IL7: variants seen among roughly 807,000 people sequenced by gnomAD.
IL7 encodes the protein interleukin 7, also known as interleukin-7.
IL7 carries 3 observed loss-of-function variants against 21.6 expected under a neutral mutation model. The ratio of observed to expected loss-of-function variants is 0.14; its 90% confidence interval spans 0.06 to 0.36. The LOEUF (loss-of-function observed/expected upper bound fraction) is 0.36. Among genes scored for constraint, IL7 ranks in the 10% least tolerant of loss-of-function variants. The probability of loss-of-function intolerance (pLI) is 1.00; values close to 1 mark genes in which losing one functional copy is unlikely to be tolerated. For missense variants in IL7, 175 were observed against 200.2 expected, an observed-to-expected ratio of 0.87 and a Z score of 0.76; for synonymous variants, 62 against 68.1, an observed-to-expected ratio of 0.91 and a Z score of 0.44.
intron 3 of IL7, among the ~76,000 whole-genome samples, chr8:78,699,742 A>G (rs922397137): frequency 1.3e-5 from 2 of 152,088 alleles, no homozygotes; most frequent in Non-Finnish European, 2.9e-5. Flanking sequence ...TTCCTGTGTT[A>G]GTTTCCTAAG....
chr8:78,771,306 T>A (rs1204768065), intron 2 of IL7, among the ~76,000 whole-genome samples: 1 of 152,112 alleles, frequency 6.6e-6, no homozygotes, highest in African/African-American at 2.4e-5. Flanking sequence ...AAGACTTAGA[T>A]ACTAAGTAAA....
At chr8:78,802,544 C>A (rs1203392789) in intron 1 of IL7, among the ~76,000 whole-genome samples, 1 of 151,912 alleles carries the variant, frequency 6.6e-6, no homozygotes, top group African/African-American at 2.4e-5. Context: ...GATTCTCCTC[C>A]CTCAGCCTCC....
chr8:78,772,229 C>T (rs991983955), intron 2 of IL7, among the ~76,000 whole-genome samples: 1 of 152,092 alleles, frequency 6.6e-6, no homozygotes, highest in Non-Finnish European at 1.5e-5. Flanking sequence ...GTAATGTGAG[C>T]TTGATTCAAA....
intron 1 of IL7, among the ~76,000 whole-genome samples, chr8:78,801,671 T>C (rs1423400264): frequency 6.6e-6 from 1 of 152,206 alleles, no homozygotes; most frequent in Non-Finnish European, 1.5e-5. Context: ...ACCTGATTTC[T>C]AAAATGAAAA....
chr8:78,723,412 G>A (rs1010805477), intron 3 of IL7, among the ~76,000 whole-genome samples: 4 of 151,840 alleles, frequency 2.6e-5, no homozygotes, highest in Admixed American at 6.6e-5. Context: ...AATTACCTCC[G>A]TTTGTACTTA....
intron 4 of IL7, among the ~76,000 whole-genome samples, chr8:78,677,185 A>C (rs989186124): frequency 1.3e-5 from 2 of 152,156 alleles, no homozygotes; most frequent in African/African-American, 4.8e-5. Flanking sequence ...GTTTGTCAAA[A>C]TACAAAAGAA....
At chr8:78,803,680 T>C (rs1003651018) in intron 1 of IL7, among the ~76,000 whole-genome samples, 2 of 152,192 alleles carry the variant, frequency 1.3e-5, no homozygotes, top group Non-Finnish European at 2.9e-5. Context: ...TTGCAAGGAT[T>C]AGAACCAAGG....
At chr8:78,727,719 T>G (rs1157324095) in intron 3 of IL7, among the ~76,000 whole-genome samples, 1 of 151,940 alleles carries the variant, frequency 6.6e-6, no homozygotes, top group African/African-American at 2.4e-5. Flanking sequence ...ATTTTTATAA[T>G]ATAAACATCA....
intron 2 of IL7, among the ~76,000 whole-genome samples, chr8:78,777,406 T>C (rs1219235214): frequency 6.6e-6 from 1 of 151,932 alleles, no homozygotes; most frequent in Non-Finnish European, 1.5e-5. Flanking sequence ...AGGACGGACT[T>C]TGTAATTATG....
intron 4 of IL7, chr8:78,721,246 C>T (rs1415883228): frequency 6.6e-6 from 1 of 152,026 alleles, no homozygotes; most frequent in Non-Finnish European, 1.5e-5. Context: ...GAGGGAGCTT[C>T]TTATAACCAT....
downstream of IL7, chr8:78,675,618 C>A (rs915694765): frequency 1.0e-5 from 6 of 571,548 alleles, no homozygotes; most frequent in Non-Finnish European, 1.8e-5. Context: ...CCACTGATAA[C>A]TAAGTATTAT....
intron 2 of IL7, among the ~76,000 whole-genome samples, chr8:78,787,075 A>T (rs1054809019): frequency 5.9e-5 from 9 of 152,306 alleles, no homozygotes; most frequent in African/African-American, 1.9e-4. Context: ...CTTGCCCATG[A>T]ATCTCTTCAT....
intron 2 of IL7, among the ~76,000 whole-genome samples, chr8:78,784,560 T>G (rs1471229357): frequency 6.6e-6 from 1 of 150,554 alleles, no homozygotes; most frequent in Non-Finnish European, 1.5e-5. Context: ...ACATTTAAGT[T>G]TTTTTTAATG....
At chr8:78,784,139 G>A (rs914744746) in intron 2 of IL7, among the ~76,000 whole-genome samples, 5 of 152,202 alleles carry the variant, frequency 3.3e-5, no homozygotes, top group African/African-American at 1.2e-4. Context: ...TCGTTAGAAA[G>A]TGAGGCCTTC....
chr8:78,715,246 A>G (rs111436520), downstream of IL7: 1 of 1,613,826 alleles, frequency 6.2e-7, no homozygotes, highest in South Asian at 1.1e-5. Context: ...CCGAAATTCC[A>G]CACCACCTAG....
chr8:78,762,306 C>A, intron 2 of IL7: 1 of 1,599,430 alleles, frequency 6.3e-7, no homozygotes, highest in Non-Finnish European at 8.6e-7. Context: ...TCTAAGTCTG[C>A]TCTCCTACAG....
intron 4 of IL7, among the ~76,000 whole-genome samples, chr8:78,682,550 C>T (rs1351258217): frequency 6.6e-6 from 1 of 152,098 alleles, no homozygotes; most frequent in Non-Finnish European, 1.5e-5. Flanking sequence ...GAAAAACCTG[C>T]CCCCGTGATT....
chr8:78,772,442 A>G (rs1382309059), intron 2 of IL7, among the ~76,000 whole-genome samples: 2 of 152,166 alleles, frequency 1.3e-5, no homozygotes, highest in African/African-American at 4.8e-5. Flanking sequence ...TAAAATATAG[A>G]ATGATACCTT....
chr8:78,706,080 T>C (rs1015783774), intron 3 of IL7, among the ~76,000 whole-genome samples: 4 of 152,060 alleles, frequency 2.6e-5, no homozygotes, highest in African/African-American at 9.7e-5. Context: ...CTGCCTCTGG[T>C]TGGTTTGTAC....
Sources: allele counts gnomAD v4.1 joint callset (sites outside exome capture counted in the v4.1 genomes callset), GRCh38; gene constraint gnomAD v4.1.1; transcripts MANE v1.5; gene names NCBI Gene and HGNC (gene_info 2026-07-23, HGNC 2026-07-21).